ARHGEF38: variants seen among roughly 807,000 people sequenced by gnomAD.
The protein encoded by ARHGEF38 is Rho guanine nucleotide exchange factor (GEF) 38.
In ARHGEF38, 79 loss-of-function variants were observed where a neutral mutation model predicts 79.9. That is an observed-to-expected ratio of 0.99 (90% CI 0.82 to 1.19). The LOEUF (loss-of-function observed/expected upper bound fraction) is 1.19. Ranked by LOEUF, ARHGEF38 falls within the 50% of genes most tolerant of loss-of-function variation. The probability of loss-of-function intolerance (pLI) is 0.00; values close to 1 mark genes in which losing one functional copy is unlikely to be tolerated. For synonymous variants in ARHGEF38, 366 were observed against 328.3 expected (o/e 1.11, Z -1.24); for missense variants, 962 against 907.2 (o/e 1.06, Z -0.78).
chr4:105,585,525 G>A (rs563922960), intron 1 of ARHGEF38, among the ~76,000 whole-genome samples: 2 of 152,204 alleles, frequency 1.3e-5, no homozygotes, highest in East Asian at 1.9e-4. Context: ...TAAAGCTTGA[G>A]TGTGAAAGAA....
rs569026366 is a variant in ARHGEF38 at position 105,674,196 on chromosome 4, G to A, written c.2149-3556G>A. On this transcript the variant is annotated intron_variant, in intron 13 of 13. Transcript: ENST00000420470. ...GTTATAAGCAGTGGGTAATAAATTA[G>A]GTATGAGTCAATAATACAGTGTTAT... Among the ~76,000 whole-genome samples, 14 of 152,140 alleles carry A rather than the reference G, an allele frequency of 9.2e-5. No individual in the cohort carries two copies. The South Asian group carries it at 2.7e-3, about 29-fold the overall frequency.
chr4:105,657,877 G>C (rs2110561600), intron 9 of ARHGEF38, among the ~76,000 whole-genome samples: 1 of 152,258 alleles, frequency 6.6e-6, no homozygotes, highest in African/African-American at 2.4e-5. Context: ...ACAAGCTGCT[G>C]CTCAGATACT....
At chr4:105,571,365 C>G (rs574633828) in intron 1 of ARHGEF38, among the ~76,000 whole-genome samples, 12 of 138,992 alleles carry the variant, frequency 8.6e-5, no homozygotes, top group Non-Finnish European at 1.7e-4. Context: ...CTCTGTCACC[C>G]AGGCTGGAGT....
intron 5 of ARHGEF38, among the ~76,000 whole-genome samples, chr4:105,638,326 A>G (rs1177171113): frequency 6.6e-6 from 1 of 152,166 alleles, no homozygotes; most frequent in Non-Finnish European, 1.5e-5. Context: ...AGACAGTATT[A>G]AAGTGACAGC....
chr4:105,673,356 G>A (rs1731017463), intron 13 of ARHGEF38, among the ~76,000 whole-genome samples: 1 of 152,080 alleles, frequency 6.6e-6, no homozygotes, highest in African/African-American at 2.4e-5. Flanking sequence ...CCCAGTTTTG[G>A]GGGGCAGTTC....
At chr4:105,601,657 G>A (rs957647708) in intron 2 of ARHGEF38, among the ~76,000 whole-genome samples, 2 of 152,086 alleles carry the variant, frequency 1.3e-5, no homozygotes, top group African/African-American at 4.8e-5. Context: ...TCCTGGGGGT[G>A]TTAATTCCTG....
At chr4:105,668,703 T>C (rs1010757978) in intron 13 of ARHGEF38, among the ~76,000 whole-genome samples, 7 of 151,158 alleles carry the variant, frequency 4.6e-5, no homozygotes, top group African/African-American at 1.2e-4. Context: ...GATAGATAGA[T>C]AGATGATAGA....
chr4:105,584,066 A>G (rs1726919641), intron 1 of ARHGEF38, among the ~76,000 whole-genome samples: 2 of 152,220 alleles, frequency 1.3e-5, no homozygotes, highest in Admixed American at 6.5e-5. Flanking sequence ...CAGTTCATGA[A>G]AAACAAATAG....
At chr4:105,652,490 G>A (rs1730145115) in intron 7 of ARHGEF38, among the ~76,000 whole-genome samples, 1 of 152,142 alleles carries the variant, frequency 6.6e-6, no homozygotes, top group Non-Finnish European at 1.5e-5. Flanking sequence ...TATAGAATGG[G>A]TGACATTTGA....
intron 10 of ARHGEF38, among the ~76,000 whole-genome samples, chr4:105,664,136 C>T (rs551919463): frequency 4.6e-5 from 7 of 152,288 alleles, no homozygotes; most frequent in South Asian, 4.1e-4. Context: ...ATCCTGCTCT[C>T]AATTATTTTG....
In ARHGEF38 at chr4:105,655,591, C is replaced by T. The variant is rs891748660; in HGVS notation, c.1114-12C>T. On this transcript the variant is annotated splice_polypyrimidine_tract_variant and intron_variant, in intron 8 of 13. Coordinates refer to ENST00000420470, the MANE Select transcript of ARHGEF38 (RefSeq NM_001242729.2). ...AACTTGCCTTTTTTGTAACTTTGTT[C>T]TTGGGTTTCAGGATGCCATGCCCCT... The T allele has an allele frequency of 7.2e-6, 11 of 1,532,240 alleles. No individual in the cohort carries two copies. The highest frequency in any genetic ancestry group is 8.7e-6 in the Non-Finnish European group (10 of 1,145,510). The allele number at this position is 1,532,240 out of a possible 1,614,324, so 94.9% of individuals were successfully genotyped here.
intron 1 of ARHGEF38, among the ~76,000 whole-genome samples, chr4:105,567,871 G>A (rs1053591221): frequency 2.0e-5 from 3 of 151,360 alleles, no homozygotes; most frequent in East Asian, 1.9e-4. Context: ...ACGCTGGTGC[G>A]CTGCACCCAC....
intron 11 of ARHGEF38, 41 bp downstream of exon 11, chr4:105,666,361 C>T: frequency 6.8e-7 from 1 of 1,473,184 alleles, no homozygotes; most frequent in South Asian, 1.4e-5. Context: ...ACTTTCACCT[C>T]TTTGCCTTAT....
rs145183518 is a variant in ARHGEF38, at chr4:105,629,620, G to C, written c.509-1278G>C. On this transcript the variant is annotated intron_variant, in intron 3 of 13. Coordinates refer to ENST00000420470, the MANE Select transcript of ARHGEF38 (RefSeq NM_001242729.2). ...CTGCAATGTTTTGAGAGCTGACCCT[G>C]TCACATATTGCTTGGATATCTGCCA... Among the ~76,000 whole-genome samples the C allele has an allele frequency of 5.4e-3, 647 of 120,482 alleles. 11 individuals carry two copies. Among genetic ancestry groups the C allele is most frequent in the African/African-American group, 0.027 (592 of 22,030 alleles). The allele number at this position is 120,482 out of a possible 152,430, so 79.0% of individuals were successfully genotyped here. A position where few individuals can be genotyped will look rare whatever the true frequency, so the allele number is the denominator to read the frequency against.
rs3056719 is a variant in ARHGEF38, at chr4:105,585,726, C to CT, written c.197-3499dup. ...TCTTTCCTAAATAGCCCCTCCGTTG[C>CT]TTTTTTTTTTTTTTTTTTTTTTTGA... On this transcript the variant is annotated intron_variant, in intron 1 of 13. Coordinates refer to ENST00000420470, the MANE Select transcript of ARHGEF38 (RefSeq NM_001242729.2). Among the ~76,000 whole-genome samples, 59 of 71,504 alleles carry CT rather than the reference C, an allele frequency of 8.3e-4. 13 individuals are homozygous for CT. The highest frequency in any genetic ancestry group is 1.1e-3 in the Admixed American group (4 of 3,782). The allele number at this position is 71,504 out of a possible 152,430, so 46.9% of individuals were successfully genotyped here. A position where few individuals can be genotyped will look rare whatever the true frequency, so the allele number is the denominator to read the frequency against.
chr4:105,557,497 T>G (rs1200472434), intron 1 of ARHGEF38, among the ~76,000 whole-genome samples: 2 of 151,654 alleles, frequency 1.3e-5, no homozygotes, highest in African/African-American at 4.8e-5. Flanking sequence ...AAAATTCCTA[T>G]GTGAAACCTA....
chr4:105,638,545 T>A (rs1729491330), intron 5 of ARHGEF38, among the ~76,000 whole-genome samples: 1 of 152,174 alleles, frequency 6.6e-6, no homozygotes, highest in Non-Finnish European at 1.5e-5. Flanking sequence ...ATTTTAAAAA[T>A]TATTGAAGAA....
intron 2 of ARHGEF38, among the ~76,000 whole-genome samples, chr4:105,602,550 G>A (rs1054235661): frequency 6.6e-6 from 1 of 152,132 alleles, no homozygotes; most frequent in Non-Finnish European, 1.5e-5. Context: ...ATTGAATGTT[G>A]GAGATAGTGT....
chr4:105,633,191 A>G (rs374031387), intron 4 of ARHGEF38: 7 of 152,298 alleles, frequency 4.6e-5, no homozygotes, highest in African/African-American at 1.7e-4. Flanking sequence ...GTATTGGCAC[A>G]ACTATTTCTT....
Sources: gnomAD v4.1 joint callset for allele counts (sites outside exome capture counted in the v4.1 genomes callset) on GRCh38, gnomAD v4.1.1 for gene constraint, MANE v1.5 for transcripts, NCBI Gene and HGNC (gene_info 2026-07-23, HGNC 2026-07-21) for gene names.